MID1: variants seen among roughly 807,000 people sequenced by gnomAD.
MID1 encodes the protein midline 1.
A neutral mutation model predicts 40.4 loss-of-function variants in MID1; 7 were observed. That is an observed-to-expected ratio of 0.17 (90% CI 0.10 to 0.33). The LOEUF is 0.33. MID1 is among the 10% of genes least tolerant of loss of function. The pLI is 1.00. For missense variants in MID1, 367 were observed against 558.5 expected (o/e 0.66, Z 3.46); for synonymous variants, 229 against 221.2 (o/e 1.04, Z -0.31).
chrX:10,468,679 G>A (rs1403675544), intron 7 of MID1, among the ~76,000 whole-genome samples: 1 of 111,192 alleles, frequency 9.0e-6, no homozygotes. Flanking sequence ...TCATCTCTGT[G>A]GCCTGCTACT....
intron 1 of MID1, among the ~76,000 whole-genome samples, chrX:10,786,873 C>T (rs1280078065): frequency 2.8e-5 from 3 of 107,518 alleles, no homozygotes; most frequent in Non-Finnish European, 3.8e-5. Flanking sequence ...TGTTAAATGA[C>T]GAGTTAATGG....
intron 1 of MID1, among the ~76,000 whole-genome samples, chrX:10,663,528 T>G (rs1310031885): frequency 4.5e-5 from 5 of 111,769 alleles, no homozygotes; most frequent in Non-Finnish European, 9.4e-5. Context: ...TTTGTTTGTT[T>G]TTTGTTTGTT....
chrX:10,566,512 C>CT (rs1569107605), intron 2 of MID1, among the ~76,000 whole-genome samples: 137 of 40,003 alleles, frequency 3.4e-3, no homozygotes, highest in African/African-American at 8.8e-3. Flanking sequence ...TCTCTCTCTC[C>CT]CTCTCTCTCC....
At chrX:10,727,638 A>G (rs1003697060) in intron 1 of MID1, among the ~76,000 whole-genome samples, 1 of 111,374 alleles carries the variant, frequency 9.0e-6, no homozygotes, top group African/African-American at 3.3e-5. Context: ...GCAGGAAGGG[A>G]GGGAGAGAGA....
rs1928168526 is a variant in MID1 at position 10,449,139 on chromosome X, A to G, written c.*229T>C. 1.1e-5 allele frequency: 4 copies of G among 355,187 alleles called. No individual in the cohort carries two copies. The Admixed American group carries it at 2.0e-4, about 18-fold the overall frequency. The allele number at this position is 355,187 out of a possible 1,213,427, so 29.3% of individuals were successfully genotyped here. On this transcript the variant is annotated 3_prime_UTR_variant, in exon 10 of 10. Transcript: ENST00000317552. ...ATTATGTTTCTCTTATAAATAATCTATAGATTTTCCTCTAAATACAAAAAA... is the reference window on the plus strand; with the variant it reads ...ATTATGTTTCTCTTATAAATAATCTGTAGATTTTCCTCTAAATACAAAAAA...
intron 5 of MID1, among the ~76,000 whole-genome samples, chrX:10,480,982 C>T (rs1930289751): frequency 1.8e-5 from 2 of 112,232 alleles, no homozygotes; most frequent in Non-Finnish European, 3.8e-5. Flanking sequence ...AGTTTCCTTT[C>T]TCTTTCTTTG....
chrX:10,569,743 A>G (rs1337138388), intron 1 of MID1, among the ~76,000 whole-genome samples: 1 of 111,498 alleles, frequency 9.0e-6, no homozygotes, highest in African/African-American at 3.3e-5. Flanking sequence ...AGGTGTGATG[A>G]GAATTTCTAG....
intron 2 of MID1, among the ~76,000 whole-genome samples, chrX:10,536,158 G>A (rs754929341): frequency 1.3e-4 from 14 of 111,608 alleles, no homozygotes; most frequent in African/African-American, 3.6e-4. Flanking sequence ...TCAGGAGGTC[G>A]AGGCTGCAGT....
chrX:10,786,411 G>A (rs1483207499), intron 1 of MID1, among the ~76,000 whole-genome samples: 4 of 111,064 alleles, frequency 3.6e-5, no homozygotes, highest in African/African-American at 9.9e-5. Context: ...TCAGTGTGGC[G>A]ATTCCTCAGG....
intron 1 of MID1, among the ~76,000 whole-genome samples, chrX:10,598,816 G>A (rs1445678166): frequency 2.7e-5 from 3 of 111,920 alleles, no homozygotes; most frequent in African/African-American, 6.5e-5. Context: ...CCAACAGCTC[G>A]ATTTCAGTCT....
intron 2 of MID1, among the ~76,000 whole-genome samples, chrX:10,525,244 G>A (rs977448167): frequency 6.2e-5 from 7 of 112,083 alleles, no homozygotes; most frequent in Non-Finnish European, 1.3e-4. Flanking sequence ...TATGTCAAAA[G>A]CAGAACTTTC....
At chrX:10,597,680 AG>A (rs779219433) in intron 1 of MID1, among the ~76,000 whole-genome samples, 2 of 112,208 alleles carry the variant, frequency 1.8e-5, no homozygotes, top group Non-Finnish European at 3.8e-5. Context: ...TCCTTGTGAC[AG>A]GGGGTTGAAA....
At chrX:10,580,465 C>T (rs2147490937) in intron 1 of MID1, among the ~76,000 whole-genome samples, 1 of 111,500 alleles carries the variant, frequency 9.0e-6, no homozygotes, top group South Asian at 3.8e-4. Context: ...ACAATGACAG[C>T]AACTAAGTGG....
At chrX:10,516,735 C>T (rs994224533) in intron 3 of MID1, among the ~76,000 whole-genome samples, 2 of 110,692 alleles carry the variant, frequency 1.8e-5, no homozygotes, top group Non-Finnish European at 1.9e-5. Flanking sequence ...CCAGTCTTGG[C>T]CTCCTTTGTT....
At chrX:10,573,109 T>A (rs1038701151) in intron 1 of MID1, among the ~76,000 whole-genome samples, 1 of 112,525 alleles carries the variant, frequency 8.9e-6, no homozygotes, top group African/African-American at 3.2e-5. Context: ...AAAACTTTCT[T>A]ATAGATTCAA....
intron 1 of MID1, among the ~76,000 whole-genome samples, chrX:10,697,143 C>T (rs1356165363): frequency 1.8e-5 from 2 of 111,640 alleles, no homozygotes; most frequent in Non-Finnish European, 3.8e-5. Flanking sequence ...CAGAAATCTA[C>T]CAGGTGGTTT....
chrX:10,556,573 T>C (rs981740849), intron 2 of MID1, among the ~76,000 whole-genome samples: 1 of 112,114 alleles, frequency 8.9e-6, no homozygotes, highest in African/African-American at 3.2e-5. Flanking sequence ...AAATCCACCA[T>C]TGGATTACAC....
intron 1 of MID1, among the ~76,000 whole-genome samples, chrX:10,650,805 A>G (rs1305111766): frequency 1.8e-5 from 2 of 110,528 alleles, no homozygotes; most frequent in Admixed American, 1.9e-4. Flanking sequence ...CCTTTTTGTG[A>G]GTTGATTTTT....
At chrX:10,784,840 C>T in intron 1 of MID1, among the ~76,000 whole-genome samples, 1 of 110,944 alleles carries the variant, frequency 9.0e-6, no homozygotes, top group East Asian at 2.8e-4. Flanking sequence ...ATAATAGGAG[C>T]TATCTATGAC....
Sources: gnomAD v4.1 joint callset for allele counts (sites outside exome capture counted in the v4.1 genomes callset) on GRCh38, gnomAD v4.1.1 for gene constraint, MANE v1.5 for transcripts, NCBI Gene and HGNC (gene_info 2026-07-23, HGNC 2026-07-21) for gene names.